Variants in TMPRSS15 observed in about 807,000 individuals in gnomAD.
TMPRSS15 encodes the protein transmembrane serine protease 15.
In TMPRSS15, 128 loss-of-function variants were observed where a neutral mutation model predicts 125.3. The ratio of observed to expected loss-of-function variants is 1.02; its 90% CI spans 0.89 to 1.18. The LOEUF is 1.18. Ranked by LOEUF, TMPRSS15 falls within the 50% of genes most tolerant of loss-of-function variation. The pLI is 0.00. For missense variants in TMPRSS15, 1,283 were observed against 1,212.7 expected (o/e 1.06, Z -0.86); for synonymous variants, 446 against 423.2 (o/e 1.05, Z -0.66).
intron 10 of TMPRSS15, among the ~76,000 whole-genome samples, chr21:18,344,856 G>T (rs560981220): frequency 6.6e-6 from 1 of 152,314 alleles, no homozygotes; most frequent in South Asian, 2.1e-4. Flanking sequence ...TAAAGCAAAT[G>T]TGATGTTGGA....
intron 17 of TMPRSS15, 68 bp from the exon 18 acceptor site, chr21:18,313,145 T>C: frequency 9.1e-7 from 1 of 1,094,836 alleles, no homozygotes; most frequent in Non-Finnish European, 1.4e-6. Flanking sequence ...GAAGACATCG[T>C]TCAAAGAGTA....
At chr21:18,323,107 C>T (rs1389022048) in intron 16 of TMPRSS15, among the ~76,000 whole-genome samples, 1 of 152,096 alleles carries the variant, frequency 6.6e-6, no homozygotes, top group Non-Finnish European at 1.5e-5. Context: ...TTCCTCTTTT[C>T]AAGTCTTTTC....
intron 1 of TMPRSS15, among the ~76,000 whole-genome samples, chr21:18,469,718 C>T (rs1396514439): frequency 2.0e-5 from 3 of 152,170 alleles, no homozygotes; most frequent in Non-Finnish European, 4.4e-5. Flanking sequence ...CTCCTGTAAA[C>T]TGATTTGTAA....
At chr21:18,302,229 G>A (rs2074980364) in intron 18 of TMPRSS15, among the ~76,000 whole-genome samples, 1 of 152,212 alleles carries the variant, frequency 6.6e-6, no homozygotes, top group Admixed American at 6.5e-5. Context: ...AGCCAGGTGG[G>A]ATTAGCCCGA....
chr21:18,275,050 A>T, intron 24 of TMPRSS15, 147 bp downstream of exon 24: 1 of 1,036,600 alleles, frequency 9.6e-7, no homozygotes, highest in Non-Finnish European at 1.5e-6. Flanking sequence ...ACCCAAGAGG[A>T]TTACGCAAAT....
intron 22 of TMPRSS15, among the ~76,000 whole-genome samples, chr21:18,279,812 T>A (rs548766496): frequency 6.6e-6 from 1 of 152,290 alleles, no homozygotes; most frequent in East Asian, 1.9e-4. Flanking sequence ...GAGACTTTTT[T>A]ATTTTCCCCA....
At position 18,270,121 on chromosome 21, in the gene TMPRSS15, C is replaced by T; in HGVS notation, c.2908G>A (p.Asp970Asn). 2 of 1,613,756 alleles carry T rather than the reference C, an allele frequency of 1.2e-6. No homozygotes were observed. Among genetic ancestry groups the T allele is most frequent in the South Asian group, 1.1e-5 (1 of 91,050 alleles). ...TGGCACATTAATGGTCCTCCTGAAT[C>T]CCCCTAAAGAGTGAATTGCAAAACA... ...EEGGIDSCQG[D>N]SGGPLMCQEN... The change falls in exon 25 of 25, where the codon GAT becomes AAT. Residue 970 changes from aspartate (D) to asparagine (N), a missense_variant. Transcript: ENST00000284885.
At chr21:18,410,712 A>AT (rs1344308071) in intron 1 of TMPRSS15, among the ~76,000 whole-genome samples, 1 of 151,706 alleles carries the variant, frequency 6.6e-6, no homozygotes, top group African/African-American at 2.4e-5. Context: ...AGTTTTTGTG[A>AT]TTTTTTGACT....
chr21:18,430,947 A>G (rs2076215485), intron 1 of TMPRSS15, among the ~76,000 whole-genome samples: 1 of 152,196 alleles, frequency 6.6e-6, no homozygotes, highest in African/African-American at 2.4e-5. Context: ...TTCCAGGCAA[A>G]TGTGCTCCAA....
At chr21:18,475,358 G>A (rs956568697) in intron 1 of TMPRSS15, among the ~76,000 whole-genome samples, 3 of 152,170 alleles carry the variant, frequency 2.0e-5, no homozygotes, top group Non-Finnish European at 2.9e-5. Flanking sequence ...GGGAGGCCAA[G>A]GTGGGAGGAT....
At chr21:18,414,555 T>C (rs371925310) in intron 1 of TMPRSS15, among the ~76,000 whole-genome samples, 2 of 152,226 alleles carry the variant, frequency 1.3e-5, no homozygotes, top group Non-Finnish European at 2.9e-5. Flanking sequence ...TATTGTCTGC[T>C]TCTATGAGTT....
chr21:18,430,689 T>G (rs958542596), intron 1 of TMPRSS15, among the ~76,000 whole-genome samples: 1 of 152,130 alleles, frequency 6.6e-6, no homozygotes, highest in Non-Finnish European at 1.5e-5. Context: ...TTATGCAAGT[T>G]TGTGATCAAG....
chr21:18,440,516 G>A (rs928831997), intron 1 of TMPRSS15, among the ~76,000 whole-genome samples: 11 of 151,770 alleles, frequency 7.2e-5, no homozygotes, highest in African/African-American at 2.7e-4. Flanking sequence ...AAATCGATGT[G>A]TATCAGAATC....
rs562090989 is a variant in TMPRSS15, at chr21:18,353,027, A to G, written c.1047T>C (p.Phe349=). 6.2e-7 allele frequency: 1 copy of G among 1,610,966 alleles called. No homozygotes were observed. The highest frequency in any genetic ancestry group is 1.3e-5 in the African/African-American group (1 of 74,884). ...GGACCCAGAAACAAAAGCCATCCTC[A>G]AAGTTACAATTAATTTTCTCATAAT... ...LNNYEKINCN[F]EDGFCFWVQD... The change falls in exon 10 of 25, where the codon TTT becomes TTC. Residue 349 remains phenylalanine, a synonymous_variant. Transcript: ENST00000284885.
chr21:18,323,567 A>T (rs2075261077), intron 16 of TMPRSS15, among the ~76,000 whole-genome samples: 1 of 152,166 alleles, frequency 6.6e-6, no homozygotes, highest in South Asian at 2.1e-4. Flanking sequence ...GGACACAGCT[A>T]AACCAAATCA....
At chr21:18,432,482 T>C (rs899107190) in intron 1 of TMPRSS15, among the ~76,000 whole-genome samples, 2 of 152,102 alleles carry the variant, frequency 1.3e-5, no homozygotes, top group Non-Finnish European at 2.9e-5. Context: ...CTAGTGAAAT[T>C]AAGTGGAGGA....
At chr21:18,381,010 G>A (rs1352137912) in intron 4 of TMPRSS15, among the ~76,000 whole-genome samples, 1 of 151,956 alleles carries the variant, frequency 6.6e-6, no homozygotes, top group Non-Finnish European at 1.5e-5. Flanking sequence ...GGAACTAAGT[G>A]GTATATAAGT....
Position 18,294,308 on chromosome 21 carries a change from G to A in TMPRSS15, c.2448C>T (p.Ser816=). 6.2e-7 allele frequency: 1 copy of A among 1,614,238 alleles called. No individual in the cohort carries two copies. Among genetic ancestry groups the A allele is most frequent in the Non-Finnish European group, 8.5e-7 (1 of 1,180,046 alleles). ...GRLLCGASLV[S]SDWLVSAAHC... is the part of the protein sequence containing the mutation. ...GTGCGGCGGACACCAGCCAGTCACT[G>A]CTGACGAGAGATGCGCCGCAGAGCA... Residue 816 remains serine (S), a synonymous_variant, in exon 21 of 25, where the codon AGC becomes AGT. Coordinates refer to ENST00000284885, the MANE Select transcript of TMPRSS15 (RefSeq NM_002772.3).
At chr21:18,404,298 G>A (rs1396841791), upstream of TMPRSS15, among the ~76,000 whole-genome samples, 2 of 152,150 alleles carry the variant, frequency 1.3e-5, no homozygotes, top group Non-Finnish European at 2.9e-5. Context: ...CTTAAACAAG[G>A]CGTTCTATGG....
Sources: gnomAD v4.1 joint callset for allele counts (sites outside exome capture counted in the v4.1 genomes callset) on GRCh38, gnomAD v4.1.1 for gene constraint, MANE v1.5 for transcripts, NCBI Gene and HGNC (gene_info 2026-07-23, HGNC 2026-07-21) for gene names.